The following MACROD2 variants were observed in gnomAD, a reference collection of about 807,000 sequenced individuals.
The protein encoded by MACROD2 is mono-ADP ribosylhydrolase 2.
In MACROD2, 36 loss-of-function variants were observed where a neutral mutation model predicts 70.4. The ratio of observed to expected loss-of-function variants is 0.51; its 90% CI spans 0.39 to 0.68. The LOEUF (loss-of-function observed/expected upper bound fraction) is 0.68, where lower values mean the gene tolerates loss of function less well. Among genes scored for constraint, MACROD2 ranks in the 30% least tolerant of loss-of-function variants. MACROD2 has a pLI of 0.00. For synonymous variants in MACROD2, 172 were observed against 178.8 expected (o/e 0.96, Z 0.30); for missense variants, 496 against 538.4 (o/e 0.92, Z 0.78).
At chr20:15,237,021 T>C (rs2077019323) in intron 6 of MACROD2, among the ~76,000 whole-genome samples, 2 of 151,966 alleles carry the variant, frequency 1.3e-5, no homozygotes, top group Admixed American at 1.3e-4. Flanking sequence ...AACTAGGGAG[T>C]GCCACAAGCA....
At position 15,572,599 on chromosome 20, in the gene MACROD2, T is replaced by C. The variant is rs1019895202; in HGVS notation, c.645+72752T>C. ...TAAATTAGTTTATTTGGTTTGTTTA[T>C]ACTAACAGTACAGTTATTTTGATAT... On this transcript the variant is annotated intron_variant, in intron 8 of 17. Transcript: ENST00000684519. Among the ~76,000 whole-genome samples the C allele has an allele frequency of 3.9e-5, 6 of 152,268 alleles. No individual in the cohort carries two copies. The South Asian group carries it at 1.2e-3, about 32-fold the overall frequency.
intron 3 of MACROD2, among the ~76,000 whole-genome samples, chr20:14,459,887 C>A (rs1237032767): frequency 5.6e-4 from 85 of 152,126 alleles, no homozygotes; most frequent in Non-Finnish European, 1.3e-4. Context: ...TCTCTCACCC[C>A]CTGACAGGCC....
intron 5 of MACROD2, among the ~76,000 whole-genome samples, chr20:14,745,483 C>T (rs2071788431): frequency 6.6e-6 from 1 of 152,160 alleles, no homozygotes; most frequent in South Asian, 2.1e-4. Context: ...CCTAGGCATT[C>T]TAACATGTTC....
intron 5 of MACROD2, among the ~76,000 whole-genome samples, chr20:14,836,590 A>C (rs1181670646): frequency 6.6e-6 from 1 of 152,076 alleles, no homozygotes; most frequent in Admixed American, 6.6e-5. Context: ...TAGAATTAAA[A>C]TGTCTAAAAT....
At chr20:14,042,004 T>G (rs892344939) in intron 2 of MACROD2, among the ~76,000 whole-genome samples, 1 of 152,022 alleles carries the variant, frequency 6.6e-6, no homozygotes, top group African/African-American at 2.4e-5. Flanking sequence ...CACTGGATAT[T>G]AGAGGAAAAA....
At chr20:14,343,654 C>G (rs2083037604) in intron 3 of MACROD2, among the ~76,000 whole-genome samples, 1 of 152,206 alleles carries the variant, frequency 6.6e-6, no homozygotes, top group Non-Finnish European at 1.5e-5. Flanking sequence ...CTCCTGGATG[C>G]TAGACTTTGA....
chr20:15,753,217 T>A (rs991156013), intron 8 of MACROD2, among the ~76,000 whole-genome samples: 1 of 152,218 alleles, frequency 6.6e-6, no homozygotes, highest in African/African-American at 2.4e-5. Context: ...GGGATACAAT[T>A]GATCCTGTCA....
In MACROD2 at chr20:14,330,471, A is replaced by G. The variant is rs558183126; in HGVS notation, c.272-163008A>G. Reference sequence around the variant, plus strand: ...ATCCAACAAGTATAGCATCTGTTCCATAATTCAGATACTCTGCTGAACGAG... The same window carrying G: ...ATCCAACAAGTATAGCATCTGTTCCGTAATTCAGATACTCTGCTGAACGAG... On this transcript the variant is annotated intron_variant, in intron 3 of 17. Coordinates refer to ENST00000684519, the MANE Select transcript of MACROD2 (RefSeq NM_001351661.2). Among the ~76,000 whole-genome samples, 10 of 152,188 alleles carry G rather than the reference A, an allele frequency of 6.6e-5. No individual in the cohort carries two copies. The South Asian group carries it at 1.7e-3, about 25-fold the overall frequency.
chr20:14,597,447 G>GT (rs1246489722), intron 4 of MACROD2, among the ~76,000 whole-genome samples: 1 of 152,088 alleles, frequency 6.6e-6, no homozygotes, highest in African/African-American at 2.4e-5. Context: ...ACTTGGAAGT[G>GT]TTTATTTAGT....
At chr20:15,945,499 T>C (rs371091325) in intron 12 of MACROD2, among the ~76,000 whole-genome samples, 1 of 152,240 alleles carries the variant, frequency 6.6e-6, no homozygotes, top group African/African-American at 2.4e-5. Context: ...CATATCCTTA[T>C]ATGCTGATGC....
At chr20:15,127,014 A>G (rs114967742) in intron 5 of MACROD2, among the ~76,000 whole-genome samples, 3,302 of 152,234 alleles carry the variant, frequency 0.022, 128 homozygotes, top group African/African-American at 0.075. Context: ...AATTTTCTAT[A>G]TACAACAAAT....
chr20:14,134,651 A>G (rs1204174824), intron 3 of MACROD2, among the ~76,000 whole-genome samples: 1 of 152,048 alleles, frequency 6.6e-6, no homozygotes, highest in East Asian at 1.9e-4. Context: ...CTAAAAATAC[A>G]AAAATTAGCT....
intron 8 of MACROD2, among the ~76,000 whole-genome samples, chr20:15,854,787 G>A (rs2064338952): frequency 6.6e-6 from 1 of 152,128 alleles, no homozygotes; most frequent in South Asian, 2.1e-4. Flanking sequence ...TTATCCCTGA[G>A]TTACTCTGAG....
intron 6 of MACROD2, among the ~76,000 whole-genome samples, chr20:15,359,812 C>T (rs1468966344): frequency 2.0e-5 from 3 of 152,152 alleles, no homozygotes; most frequent in Admixed American, 6.6e-5. Context: ...CAGCCGGTTT[C>T]CTTGACTGAT....
intron 3 of MACROD2, among the ~76,000 whole-genome samples, chr20:14,363,816 CAAAAAAAAAAAAAAAAAA>C (rs569929488): frequency 2.8e-5 from 2 of 71,560 alleles, no homozygotes; most frequent in South Asian, 6.1e-4. Context: ...GACTCTGTCT[CAAAAAAAAAAAAAAAAAA>C]AAAAAAAAAA....
chr20:15,425,108 C>T (rs1327193699), intron 6 of MACROD2, among the ~76,000 whole-genome samples: 1 of 152,170 alleles, frequency 6.6e-6, no homozygotes, highest in African/African-American at 2.4e-5. Context: ...GTGGGTCAGT[C>T]ATTAAGGACT....
chr20:14,150,724 T>G (rs2055007729), intron 3 of MACROD2, among the ~76,000 whole-genome samples: 1 of 152,134 alleles, frequency 6.6e-6, no homozygotes, highest in African/African-American at 2.4e-5. Context: ...TCAATTCAGA[T>G]AAAAAGGTAG....
chr20:14,993,986 G>A lies in MACROD2; in HGVS notation c.419-235954G>A, dbSNP rs187902279. Among the ~76,000 whole-genome samples the A allele has an allele frequency of 6.6e-4, 100 of 152,132 alleles. 2 individuals are homozygous for A. The highest frequency in any genetic ancestry group is 9.6e-4 in the Non-Finnish European group (65 of 67,968). The stretch of plus-strand genomic sequence containing the variant: ...ATTGCACACAAACTTTTAGAAAAAT[G>A]AAACTATCTCTTGTTGAATCTTCAA... On this transcript the variant is annotated intron_variant, in intron 5 of 17. Transcript: ENST00000684519.
chr20:15,958,364 T>G (rs1208570387), intron 12 of MACROD2, among the ~76,000 whole-genome samples: 1 of 152,182 alleles, frequency 6.6e-6, no homozygotes, highest in African/African-American at 2.4e-5. Flanking sequence ...GCATTCTGAT[T>G]AGCCAACACC....
Sources: allele counts gnomAD v4.1 joint callset (sites outside exome capture counted in the v4.1 genomes callset), GRCh38; gene constraint gnomAD v4.1.1; transcripts MANE v1.5; gene names NCBI Gene and HGNC (gene_info 2026-07-23, HGNC 2026-07-21).